Variants in LHFPL3 observed in about 807,000 individuals in gnomAD.
The protein encoded by LHFPL3 is LHFPL tetraspan subfamily member 3 protein.
Under a neutral mutation model 19.3 loss-of-function variants are expected in LHFPL3, and 5 were observed. The observed-to-expected ratio is 0.26, with a 90% confidence interval of 0.14 to 0.54. The LOEUF is 0.54. Among genes scored for constraint, LHFPL3 ranks in the 20% least tolerant of loss-of-function variants. The pLI, the probability that LHFPL3 is intolerant of heterozygous loss-of-function variation, is 0.94. For missense variants in LHFPL3, 249 were observed against 307.4 expected (o/e 0.81, Z 1.42); for synonymous variants, 133 against 126.2 (o/e 1.05, Z -0.36).
intron 2 of LHFPL3, among the ~76,000 whole-genome samples, chr7:104,759,366 AAT>A (rs1794337021): frequency 6.6e-6 from 1 of 152,138 alleles, no homozygotes; most frequent in South Asian, 2.1e-4. Context: ...CCACAGTTTA[AAT>A]TTTTTTTTAA....
At chr7:104,887,330 G>A (rs1009694120) in intron 2 of LHFPL3, among the ~76,000 whole-genome samples, 1 of 152,206 alleles carries the variant, frequency 6.6e-6, no homozygotes, top group Non-Finnish European at 1.5e-5. Flanking sequence ...ATTTTTGTAC[G>A]TAGAGATCCC....
chr7:104,668,475 C>T (rs1427489727), intron 1 of LHFPL3: 7 of 1,612,648 alleles, frequency 4.3e-6, no homozygotes, highest in African/African-American at 1.3e-5. Context: ...TGGCCCACGC[C>T]GGGATATGGA....
intron 2 of LHFPL3, among the ~76,000 whole-genome samples, chr7:104,836,762 A>G (rs563092511): frequency 1.3e-5 from 2 of 152,306 alleles, no homozygotes; most frequent in African/African-American, 2.4e-5. Context: ...GAGCCAGGTT[A>G]ACTTTTGGGG....
At chr7:104,688,985 A>T (rs1792856855) in intron 1 of LHFPL3, among the ~76,000 whole-genome samples, 1 of 152,208 alleles carries the variant, frequency 6.6e-6, no homozygotes, top group African/African-American at 2.4e-5. Flanking sequence ...CAGGGAGTTA[A>T]AAAAAGTTCT....
At chr7:104,372,488 G>C (rs1457101096) in intron 1 of LHFPL3, among the ~76,000 whole-genome samples, 1 of 152,048 alleles carries the variant, frequency 6.6e-6, no homozygotes, top group Non-Finnish European at 1.5e-5. Context: ...GGCAGTTATT[G>C]GTCTACAAAC....
At chr7:104,531,361 A>G (rs1022841894) in intron 1 of LHFPL3, among the ~76,000 whole-genome samples, 2 of 152,170 alleles carry the variant, frequency 1.3e-5, no homozygotes, top group Non-Finnish European at 2.9e-5. Context: ...ATAAAATAAG[A>G]GTTGGCAAGG....
intron 1 of LHFPL3, among the ~76,000 whole-genome samples, chr7:104,694,737 AG>A: frequency 6.6e-6 from 1 of 152,358 alleles, no homozygotes; most frequent in South Asian, 2.1e-4. Context: ...TTACCAAGAA[AG>A]TTGGAGGTAA....
intron 1 of LHFPL3, among the ~76,000 whole-genome samples, chr7:104,430,405 C>CACGTGTATAT (rs1791953828): frequency 8.9e-5 from 2 of 22,456 alleles, no homozygotes; most frequent in Non-Finnish European, 1.5e-4. Context: ...TATATATATA[C>CACGTGTATAT]ATATATATAT....
At chr7:104,411,604 T>C (rs1198625975) in intron 1 of LHFPL3, among the ~76,000 whole-genome samples, 2 of 152,164 alleles carry the variant, frequency 1.3e-5, no homozygotes, top group Non-Finnish European at 2.9e-5. Flanking sequence ...AAAAATAGGC[T>C]ACCCAGAAGT....
At chr7:104,579,182 C>A (rs974421370) in intron 1 of LHFPL3, among the ~76,000 whole-genome samples, 1 of 152,062 alleles carries the variant, frequency 6.6e-6, no homozygotes, top group Non-Finnish European at 1.5e-5. Flanking sequence ...ATTTTAGATT[C>A]GGGAGTACGT....
Position 104,668,509 on chromosome 7 carries a change from A to G in LHFPL3, c.446-68166A>G, listed in dbSNP as rs1200700031. 10 of 1,613,190 alleles carry G rather than the reference A, an allele frequency of 6.2e-6. No individual in the cohort carries two copies. The Admixed American group carries it at 1.0e-4, about 16-fold the overall frequency. On this transcript the variant is annotated intron_variant, in intron 1 of 2. Coordinates refer to ENST00000424859, the MANE Select transcript of LHFPL3 (RefSeq NM_199000.3). ...GATCGATATGGTGGCCGGGATCGCT[A>G]TGATGACCGAGGCAGCAGAGACTAT...
chr7:104,467,183 T>G (rs16869821), intron 1 of LHFPL3, among the ~76,000 whole-genome samples: 3,981 of 152,284 alleles, frequency 0.026, 153 homozygotes, highest in African/African-American at 0.091. Flanking sequence ...TCTGGTGGTG[T>G]TAATAACATT....
intron 1 of LHFPL3, among the ~76,000 whole-genome samples, chr7:104,622,696 G>T (rs1363108928): frequency 1.3e-5 from 2 of 152,108 alleles, no homozygotes; most frequent in East Asian, 3.9e-4. Context: ...GCAATAACTG[G>T]TTTTTAGTGA....
intron 1 of LHFPL3, among the ~76,000 whole-genome samples, chr7:104,344,151 G>T (rs1476201836): frequency 2.6e-5 from 4 of 152,024 alleles, no homozygotes; most frequent in African/African-American, 9.7e-5. Context: ...ATATTGATAA[G>T]ATAATTATAA....
At chr7:104,589,605 A>G (rs1253194724) in intron 1 of LHFPL3, among the ~76,000 whole-genome samples, 2 of 152,136 alleles carry the variant, frequency 1.3e-5, no homozygotes, top group Admixed American at 6.6e-5. Context: ...GGGCTTTGAT[A>G]TCAGGATGAT....
chr7:104,413,171 T>G (rs1791563895), intron 1 of LHFPL3, among the ~76,000 whole-genome samples: 1 of 152,200 alleles, frequency 6.6e-6, no homozygotes, highest in Non-Finnish European at 1.5e-5. Flanking sequence ...ACGTGCAGGC[T>G]CCTTCCCTGT....
intron 1 of LHFPL3, among the ~76,000 whole-genome samples, chr7:104,702,833 A>G (rs1584488096): frequency 6.6e-6 from 1 of 152,226 alleles, no homozygotes; most frequent in East Asian, 1.9e-4. Context: ...GCCTTATTGC[A>G]TATTCTGAGC....
At chr7:104,790,396 C>T (rs1790003311) in intron 2 of LHFPL3, among the ~76,000 whole-genome samples, 1 of 152,190 alleles carries the variant, frequency 6.6e-6, no homozygotes, top group African/African-American at 2.4e-5. Context: ...TGCAGTTCAC[C>T]TAGGTCCTAT....
chr7:104,397,754 C>T (rs1562885580), intron 1 of LHFPL3, among the ~76,000 whole-genome samples: 1 of 152,114 alleles, frequency 6.6e-6, no homozygotes, highest in Non-Finnish European at 1.5e-5. Flanking sequence ...AGAAAAAAAG[C>T]AGTATAAATC....
Sources: allele counts gnomAD v4.1 joint callset (sites outside exome capture counted in the v4.1 genomes callset), GRCh38; gene constraint gnomAD v4.1.1; transcripts MANE v1.5; gene names NCBI Gene and HGNC (gene_info 2026-07-23, HGNC 2026-07-21).